Variants in NCS1 observed in about 807,000 individuals in gnomAD.
NCS1 encodes the protein frequenin homolog.
NCS1 carries 6 observed loss-of-function variants against 28.4 expected under a neutral mutation model. The observed-to-expected ratio is 0.21, with a 90% confidence interval of 0.12 to 0.42. The LOEUF (loss-of-function observed/expected upper bound fraction) is 0.42, where lower values mean the gene tolerates loss of function less well. Ranked by LOEUF, NCS1 falls within the 10% of genes least tolerant of loss-of-function variation. The probability of loss-of-function intolerance (pLI) is 1.00; values close to 1 mark genes in which losing one functional copy is unlikely to be tolerated. For missense variants in NCS1, 131 were observed against 241.4 expected, an observed-to-expected ratio of 0.54 and a Z score of 3.03; for synonymous variants, 86 against 99.3, an observed-to-expected ratio of 0.87 and a Z score of 0.79.
In NCS1 at chr9:130,226,268, C is replaced by T. The variant is rs1380053578; in HGVS notation, c.475-121C>T. Reference sequence around the variant, plus strand: ...GTGCTGGCTGCTTGTAGGCCCTGAGCCACGTTGCCTCCCTCCTGATCTAAC... The same window carrying T: ...GTGCTGGCTGCTTGTAGGCCCTGAGTCACGTTGCCTCCCTCCTGATCTAAC... On this transcript the variant is annotated intron_variant, in intron 6 of 7. Transcript: ENST00000372398. This position sits in a 1 kb window ranked among gnomAD's most constrained non-coding sequence, Gnocchi z 4.8. The T allele has an allele frequency of 5.0e-6, 4 of 800,416 alleles. No homozygotes were observed. Among genetic ancestry groups the T allele is most frequent in the South Asian group, 4.3e-5 (3 of 69,584 alleles). 49.6% of individuals were successfully genotyped at this position (800,416 alleles called of 1,614,324 possible).
At chr9:130,220,067 C>A (rs1434390508) in intron 4 of NCS1, among the ~76,000 whole-genome samples, 1 of 152,182 alleles carries the variant, frequency 6.6e-6, no homozygotes, top group Non-Finnish European at 1.5e-5. Context: ...TTCCTGGAGG[C>A]ACCGGCAGCA....
At position 130,176,138 on chromosome 9, in the gene NCS1, TTTTCTTTCTTTCTTTCTTTCTTTC is replaced by T. The variant is rs71387327; in HGVS notation, c.64+3447_64+3470del. ...ATCGTAATTAATGCTTATTTGTTCA[TTTTCTTTCTTTCTTTCTTTCTTTC>T]TTTCTTTCTTTCTTTCTTTCTTTCT... On this transcript the variant is annotated intron_variant, in intron 1 of 7. Coordinates refer to ENST00000372398, the MANE Select transcript of NCS1 (RefSeq NM_014286.4). Among the ~76,000 whole-genome samples the T allele has an allele frequency of 1.9e-3, 194 of 102,272 alleles. 3 individuals carry two copies. The highest frequency in any genetic ancestry group is 5.4e-3 in the African/African-American group (139 of 25,660). 67.1% of individuals were successfully genotyped at this position (102,272 alleles called of 152,430 possible). A position where few individuals can be genotyped will look rare whatever the true frequency, so the allele number is the denominator to read the frequency against.
intron 2 of NCS1, among the ~76,000 whole-genome samples, chr9:130,212,988 C>T (rs1216657976): frequency 2.6e-5 from 4 of 152,138 alleles, no homozygotes; most frequent in Admixed American, 1.3e-4. Context: ...CCCCCCATCC[C>T]GTCTCTCTGC....
Position 130,209,333 on chromosome 9 carries a change from T to G in NCS1, c.89+8351T>G, listed in dbSNP as rs1833078722. Among the ~76,000 whole-genome samples, 1 of 151,774 alleles carries G rather than the reference T, an allele frequency of 6.6e-6. No homozygotes were observed. Among genetic ancestry groups the G allele is most frequent in the African/African-American group, 2.4e-5 (1 of 41,292 alleles). On this transcript the variant is annotated intron_variant, in intron 2 of 7. Coordinates refer to ENST00000372398, the MANE Select transcript of NCS1 (RefSeq NM_014286.4). The surrounding 1 kb of genome is among the most constrained non-coding windows in gnomAD (Gnocchi z 4.4). ...GACATGAGTCTGCAGGAACTGAGAG[T>G]GGCAAATTCGGGGGAAGTCCTAGAG...
rs529018345 is a variant in NCS1 at position 130,177,848 on chromosome 9, A to C, written c.64+5121A>C. Among the ~76,000 whole-genome samples, 1 of 152,296 alleles carries C rather than the reference A, an allele frequency of 6.6e-6. No homozygotes were observed. Among genetic ancestry groups the C allele is most frequent in the South Asian group, 2.1e-4 (1 of 4,828 alleles). On this transcript the variant is annotated intron_variant, in intron 1 of 7. Transcript: ENST00000372398. The surrounding 1 kb of genome is among the most constrained non-coding windows in gnomAD (Gnocchi z 4.4). The stretch of plus-strand genomic sequence containing the variant: ...TTGGCAGGAGAGTCCCTGGGAGGGA[A>C]GGAGGGCTCAGGGGCGAGTTCTGCG...
At chr9:130,185,896 A>C (rs1436519350) in intron 1 of NCS1, among the ~76,000 whole-genome samples, 2 of 152,260 alleles carry the variant, frequency 1.3e-5, no homozygotes, top group Non-Finnish European at 2.9e-5. Context: ...GCCTGAGCGC[A>C]ACATGATCTC....
rs1273802620 is a variant in NCS1, at chr9:130,203,163, GTC to G, written c.89+2187_89+2188del. Among the ~76,000 whole-genome samples, 3 of 146,152 alleles carry G rather than the reference GTC, an allele frequency of 2.1e-5. No homozygotes were observed. The Admixed American group carries it at 2.1e-4, about 10-fold the overall frequency. ...TTTTTTTTTTTTTTCTTGAGACAGA[GTC>G]TCTCTGCTCTGTTGCTCAGGCTGGA... is the stretch of plus-strand genomic sequence containing the variant. On this transcript the variant is annotated intron_variant, in intron 2 of 7. Coordinates refer to ENST00000372398, the MANE Select transcript of NCS1 (RefSeq NM_014286.4).
At chr9:130,198,014 G>A (rs1832897787) in intron 1 of NCS1, among the ~76,000 whole-genome samples, 2 of 151,120 alleles carry the variant, frequency 1.3e-5, no homozygotes, top group African/African-American at 4.9e-5. Context: ...CAGTGAAGCA[G>A]TTAGAATTGC....
chr9:130,196,562 A>G (rs1449561049), intron 1 of NCS1, among the ~76,000 whole-genome samples: 1 of 152,172 alleles, frequency 6.6e-6, no homozygotes, highest in Non-Finnish European at 1.5e-5. Flanking sequence ...AGCATGGTGA[A>G]ACCCCGTCTC....
chr9:130,223,294 A>G (rs1833365565), intron 6 of NCS1, 135 bp downstream of exon 6: 3 of 732,138 alleles, frequency 4.1e-6, no homozygotes, highest in South Asian at 1.7e-5. Context: ...ACGGTGTCCT[A>G]TCCCTGCTCA....
intron 2 of NCS1, among the ~76,000 whole-genome samples, chr9:130,202,481 G>T (rs1832965600): frequency 6.6e-6 from 1 of 152,008 alleles, no homozygotes; most frequent in African/African-American, 2.4e-5. Context: ...CACTCTGAGG[G>T]CTGGCTAGCT....
At chr9:130,206,003 C>T (rs1833019663) in intron 2 of NCS1, among the ~76,000 whole-genome samples, 1 of 152,082 alleles carries the variant, frequency 6.6e-6, no homozygotes, top group African/African-American at 2.4e-5. Context: ...AGCCCACTAC[C>T]CACTTCACTG....
At chr9:130,200,555 G>A in intron 1 of NCS1, 1 of 1,551,366 alleles carries the variant, frequency 6.4e-7, no homozygotes, top group African/African-American at 1.4e-5. Context: ...CCGAGTGCCT[G>A]GGGAAGCCAG....
At chr9:130,202,354 A>T (rs7045735) in intron 2 of NCS1, among the ~76,000 whole-genome samples, 1 of 113,336 alleles carries the variant, frequency 8.8e-6, no homozygotes, top group Non-Finnish European at 1.8e-5. Context: ...CCTCCCCCCC[A>T]CCCCCTGAAA....
rs1588128505 is a variant in NCS1, at chr9:130,231,442, G to C, written c.*18-1548G>C. ...CTTTTTGCCCAGGCTGGAGTGCAATGACGTGATCTTGGCTCACTGCAACCT... is the reference window on the plus strand; with the variant it reads ...CTTTTTGCCCAGGCTGGAGTGCAATCACGTGATCTTGGCTCACTGCAACCT... On this transcript the variant is annotated intron_variant, in intron 7 of 7. Transcript: ENST00000372398. Among the ~76,000 whole-genome samples, 2 of 151,882 alleles carry C rather than the reference G, an allele frequency of 1.3e-5. 1 individual carries two copies. Among genetic ancestry groups the C allele is most frequent in the African/African-American group, 4.8e-5 (2 of 41,342 alleles).
At chr9:130,199,897 G>GTTCGTTCATTCA (rs1554907262) in intron 1 of NCS1, among the ~76,000 whole-genome samples, 6 of 150,506 alleles carry the variant, frequency 4.0e-5, no homozygotes, top group African/African-American at 9.8e-5. Flanking sequence ...CTGTTCATGT[G>GTTCGTTCATTCA]TTCATTCATT....
intron 1 of NCS1, among the ~76,000 whole-genome samples, chr9:130,185,283 T>G (rs1832724321): frequency 6.6e-6 from 1 of 152,284 alleles, no homozygotes; most frequent in South Asian, 2.1e-4. Flanking sequence ...GAGTAGCCCC[T>G]GCTCCTAGAA....
intron 2 of NCS1, among the ~76,000 whole-genome samples, chr9:130,205,067 A>G (rs1833006496): frequency 6.6e-6 from 1 of 152,040 alleles, no homozygotes; most frequent in Non-Finnish European, 1.5e-5. Flanking sequence ...CTGTGGGGAA[A>G]CGAAGATGAG....
intron 1 of NCS1, among the ~76,000 whole-genome samples, chr9:130,176,194 C>CTTTCTTTCTTTCTTTCTTTCTTTCT (rs1554904576): frequency 1.0e-4 from 5 of 50,134 alleles, no homozygotes; most frequent in African/African-American, 1.1e-4. Context: ...TTCTTTCTTT[C>CTTTCTTTCTTTCTTTCTTTCTTTCT]TTTTTTTTTT....
Sources: gnomAD v4.1 joint callset for allele counts (sites outside exome capture counted in the v4.1 genomes callset) on GRCh38, gnomAD v4.1.1 for gene constraint, Gnocchi (gnomAD v3.1) non-coding constraint, MANE v1.5 for transcripts, NCBI Gene and HGNC (gene_info 2026-07-23, HGNC 2026-07-21) for gene names.